Variants in POLA1 observed in about 807,000 individuals in gnomAD.
POLA1 encodes DNA polymerase alpha 1, catalytic subunit, also known as DNA polymerase alpha catalytic subunit.
A neutral mutation model predicts 124.0 loss-of-function variants in POLA1; 15 were observed. The ratio of observed to expected loss-of-function variants is 0.12; its 90% CI spans 0.08 to 0.19. The LOEUF (loss-of-function observed/expected upper bound fraction) is 0.19, where lower values mean the gene tolerates loss of function less well. Among genes scored for constraint, POLA1 ranks in the 10% least tolerant of loss-of-function variants. The probability of loss-of-function intolerance (pLI) is 1.00; values close to 1 mark genes in which losing one functional copy is unlikely to be tolerated. For missense variants in POLA1, 886 were observed against 1,103.4 expected, an observed-to-expected ratio of 0.80 and a Z score of 2.79; for synonymous variants, 408 against 389.4, an observed-to-expected ratio of 1.05 and a Z score of -0.56.
chrX:24,709,216 G>A (rs1388333636), intron 4 of POLA1, among the ~76,000 whole-genome samples: 36 of 95,308 alleles, frequency 3.8e-4, no homozygotes, highest in Non-Finnish European at 4.9e-4. Context: ...CCTCCCTCCC[G>A]GACAGGGCGG....
chrX:24,906,998 G>A (rs944656281), intron 35 of POLA1, among the ~76,000 whole-genome samples: 1 of 111,187 alleles, frequency 9.0e-6, no homozygotes, highest in African/African-American at 3.3e-5. Flanking sequence ...GACCAGCCTG[G>A]CCAACATGGT....
At chrX:24,734,568 C>T (rs748607621) in intron 17 of POLA1, among the ~76,000 whole-genome samples, 2 of 111,160 alleles carry the variant, frequency 1.8e-5, no homozygotes, top group African/African-American at 3.3e-5. Flanking sequence ...TGTGAAGTGC[C>T]GTGAATTACC....
At position 24,812,793 on chromosome X, in the gene POLA1, A is replaced by G. The variant is rs992832814; in HGVS notation, c.3226A>G (p.Thr1076Ala). ...VEPTSDGNYV[T>A]KQELKGLDIV... ...GCCAACGTCGGATGGGAATTATGTC[A>G]CCAAACAGGAGCTCAAAGGATTAGA... Residue 1076 changes from threonine to alanine, a missense_variant, in exon 29 of 37, where the codon ACC (threonine) becomes GCC (alanine). Thr to Ala is a moderately conservative substitution (Grantham distance 58). Coordinates refer to ENST00000379068, the MANE Select transcript of POLA1 (RefSeq NM_001330360.2). The G allele has an allele frequency of 4.1e-6, 5 of 1,206,958 alleles. No homozygotes were observed. The highest frequency in any genetic ancestry group is 5.6e-6 in the Non-Finnish European group (5 of 891,302).
At chrX:24,903,928 T>C (rs1423183238) in intron 35 of POLA1, among the ~76,000 whole-genome samples, 19 of 107,405 alleles carry the variant, frequency 1.8e-4, no homozygotes, top group Non-Finnish European at 3.6e-4. Context: ...TTTTCTTTTT[T>C]CTTTCTTTCT....
At chrX:24,873,667 A>G (rs958202176) in intron 34 of POLA1, among the ~76,000 whole-genome samples, 30 of 112,038 alleles carry the variant, frequency 2.7e-4, no homozygotes, top group African/African-American at 9.7e-4. Context: ...TATTCATAAT[A>G]TGATAATACA....
chrX:24,799,117 G>A (rs373145630), intron 26 of POLA1, among the ~76,000 whole-genome samples: 2 of 112,171 alleles, frequency 1.8e-5, no homozygotes, highest in East Asian at 2.8e-4. Context: ...GAGGTATTGG[G>A]CCTAAAACAT....
chrX:24,716,439 T>G lies in POLA1; in HGVS notation c.603T>G (p.Ser201=). Residue 201 remains serine, a synonymous_variant, in exon 7 of 37, where the codon TCT becomes TCG. Coordinates refer to ENST00000379068, the MANE Select transcript of POLA1 (RefSeq NM_001330360.2). ...TTGGAGCTTCACCGAATCCTTTCTC[T>G]GTGCACACCGCCACGGTAAAGTGTG... ...RSIGASPNPF[S]VHTATAVPSG... is the part of the protein sequence containing the mutation. The G allele has an allele frequency of 8.9e-7, 1 of 1,121,515 alleles. No homozygotes were observed. Among genetic ancestry groups the G allele is most frequent in the Non-Finnish European group, 1.2e-6 (1 of 813,083 alleles). 92.4% of individuals were successfully genotyped at this position (1,121,515 alleles called of 1,213,427 possible). A position where few individuals can be genotyped will look rare whatever the true frequency, so the allele number is the denominator to read the frequency against.
intron 4 of POLA1, among the ~76,000 whole-genome samples, chrX:24,710,731 A>G (rs1388594866): frequency 2.1e-5 from 2 of 95,515 alleles, no homozygotes; most frequent in Admixed American, 1.3e-4. Flanking sequence ...CAGTGGTGCC[A>G]TCTTGGCTCA....
At chrX:24,960,582 CAGG>C (rs904487765) in intron 36 of POLA1, among the ~76,000 whole-genome samples, 1 of 111,852 alleles carries the variant, frequency 8.9e-6, no homozygotes, top group Non-Finnish European at 1.9e-5. Context: ...GGATTACAAA[CAGG>C]AGGATGTTAG....
At chrX:24,890,591 A>T (rs548407074) in intron 35 of POLA1, among the ~76,000 whole-genome samples, 1 of 112,290 alleles carries the variant, frequency 8.9e-6, no homozygotes. Flanking sequence ...TATATTGCCA[A>T]ATTGCTTTCC....
chrX:24,809,967 A>G (rs750599869), intron 27 of POLA1, 37 bp downstream of exon 27: 11 of 884,497 alleles, frequency 1.2e-5, no homozygotes, highest in Middle Eastern at 2.8e-4. Context: ...AAACTTAAAT[A>G]TCATAACTGG....
At chrX:24,945,502 T>A (rs1330680639) in intron 36 of POLA1, among the ~76,000 whole-genome samples, 3 of 112,534 alleles carry the variant, frequency 2.7e-5, no homozygotes, top group Non-Finnish European at 5.6e-5. Context: ...TTTAGTTTTC[T>A]TATCTATTGA....
chrX:24,810,636 A>G, intron 27 of POLA1, 72 bp from the exon 28 acceptor site: 1 of 467,182 alleles, frequency 2.1e-6, no homozygotes. Context: ...GTAGTATGGA[A>G]AATCTTTAGT....
intron 35 of POLA1, among the ~76,000 whole-genome samples, chrX:24,895,611 A>C (rs2047196582): frequency 9.0e-6 from 1 of 111,610 alleles, no homozygotes; most frequent in Non-Finnish European, 1.9e-5. Flanking sequence ...ACCAACCAGC[A>C]CTCTATGCAA....
At chrX:24,709,598 C>T (rs1486168511) in intron 4 of POLA1, among the ~76,000 whole-genome samples, 2 of 98,482 alleles carry the variant, frequency 2.0e-5, no homozygotes, top group East Asian at 7.1e-4. Flanking sequence ...TCAGACGGGG[C>T]AGCTGCCGGG....
chrX:24,916,362 A>G (rs762031522), intron 35 of POLA1, among the ~76,000 whole-genome samples: 3 of 106,556 alleles, frequency 2.8e-5, no homozygotes, highest in Non-Finnish European at 3.8e-5. Flanking sequence ...GCTCACTGCA[A>G]CCTCCGTCTC....
chrX:24,760,538 C>A (rs1427607974), intron 26 of POLA1, among the ~76,000 whole-genome samples: 2 of 111,978 alleles, frequency 1.8e-5, no homozygotes, highest in Admixed American at 1.9e-4. Flanking sequence ...TTAGCATACC[C>A]GTCACAACAG....
At chrX:24,821,925 AT>A (rs777180174) in intron 31 of POLA1, among the ~76,000 whole-genome samples, 1 of 112,136 alleles carries the variant, frequency 8.9e-6, no homozygotes, top group East Asian at 2.8e-4. Flanking sequence ...AATAAATGCC[AT>A]TTTTTCCCTA....
chrX:24,913,482 C>T (rs1233618520), intron 35 of POLA1, among the ~76,000 whole-genome samples: 8 of 109,996 alleles, frequency 7.3e-5, no homozygotes, highest in African/African-American at 1.0e-4. Flanking sequence ...GAGGCCGAGG[C>T]GGGCAGATCA....
Sources: allele counts gnomAD v4.1 joint callset (sites outside exome capture counted in the v4.1 genomes callset), GRCh38; gene constraint gnomAD v4.1.1; transcripts MANE v1.5; gene names NCBI Gene and HGNC (gene_info 2026-07-23, HGNC 2026-07-21).